The following SMYD3 variants were observed in gnomAD, a reference collection of about 807,000 sequenced individuals.
SMYD3 encodes the protein SET and MYND domain containing 3, also known as histone-lysine N-methyltransferase SMYD3.
In SMYD3, 36 loss-of-function variants were observed where a neutral mutation model predicts 57.7. The ratio of observed to expected loss-of-function variants is 0.62; its 90% CI spans 0.48 to 0.82. The LOEUF (loss-of-function observed/expected upper bound fraction) is 0.82, where lower values mean the gene tolerates loss of function less well. SMYD3 is among the 40% of genes least tolerant of loss of function. The pLI, the probability that SMYD3 is intolerant of heterozygous loss-of-function variation, is 0.00. For missense variants in SMYD3, 515 were observed against 538.8 expected, an observed-to-expected ratio of 0.96 and a Z score of 0.44; for synonymous variants, 211 against 195.0, an observed-to-expected ratio of 1.08 and a Z score of -0.68.
intron 1 of SMYD3, among the ~76,000 whole-genome samples, chr1:246,402,687 A>G (rs751347560): frequency 2.0e-5 from 3 of 152,222 alleles, no homozygotes; most frequent in Non-Finnish European, 4.4e-5. Context: ...GAGGCTTCCT[A>G]AACAACTGAA....
intron 5 of SMYD3, among the ~76,000 whole-genome samples, chr1:246,077,200 G>C (rs1260220318): frequency 6.6e-6 from 1 of 152,188 alleles, no homozygotes; most frequent in Non-Finnish European, 1.5e-5. Context: ...TAAAGGTCTT[G>C]AGCCTCATTT....
intron 10 of SMYD3, among the ~76,000 whole-genome samples, chr1:245,793,110 CCATCCTGGCTAA>C (rs1558344175): frequency 7.6e-6 from 1 of 130,954 alleles, no homozygotes; most frequent in African/African-American, 2.7e-5. Flanking sequence ...GAGATCAAGA[CCATCCTGGCTAA>C]CACGGTGAAA....
chr1:246,416,815 T>C (rs2067070007), intron 1 of SMYD3, among the ~76,000 whole-genome samples: 1 of 151,862 alleles, frequency 6.6e-6, no homozygotes, highest in East Asian at 1.9e-4. Flanking sequence ...TCTCTCCAAC[T>C]CCCAAAGCAC....
At chr1:245,807,813 G>GAA (rs35324111) in intron 10 of SMYD3, among the ~76,000 whole-genome samples, 15 of 111,704 alleles carry the variant, frequency 1.3e-4, no homozygotes, top group Non-Finnish European at 1.9e-4. Flanking sequence ...ATTTCCCAGG[G>GAA]AAAAAAAAAA....
chr1:246,243,825 A>G (rs915562117), intron 5 of SMYD3, among the ~76,000 whole-genome samples: 6 of 151,926 alleles, frequency 3.9e-5, no homozygotes, highest in Non-Finnish European at 5.9e-5. Context: ...AGAACACAAG[A>G]GATTGAGAGT....
chr1:246,202,120 T>C lies in SMYD3; in HGVS notation c.531+125081A>G, dbSNP rs936874260. On this transcript the variant is annotated intron_variant, in intron 5 of 11. Coordinates refer to ENST00000490107, the MANE Select transcript of SMYD3 (RefSeq NM_001167740.2). This position sits in a 1 kb window ranked among gnomAD's most constrained non-coding sequence, Gnocchi z 4.1. Reference sequence around the variant, plus strand: ...AATAATAATTATTATTTCTAGATGGTGAGCTAATGGGTGATTTTTATTTAA... The same window carrying C: ...AATAATAATTATTATTTCTAGATGGCGAGCTAATGGGTGATTTTTATTTAA... 2.0e-5 allele frequency among the ~76,000 whole-genome samples: 3 copies of C among 152,162 alleles called. No individual in the cohort carries two copies. Among genetic ancestry groups the C allele is most frequent in the Non-Finnish European group, 4.4e-5 (3 of 68,028 alleles).
chr1:246,235,136 T>C (rs1368390764), intron 5 of SMYD3, among the ~76,000 whole-genome samples: 2 of 152,168 alleles, frequency 1.3e-5, no homozygotes, highest in Non-Finnish European at 2.9e-5. Flanking sequence ...ATTTCACTAA[T>C]AGACCTGCCT....
At chr1:246,114,170 G>A (rs1055035754) in intron 5 of SMYD3, among the ~76,000 whole-genome samples, 3 of 152,160 alleles carry the variant, frequency 2.0e-5, no homozygotes, top group South Asian at 2.1e-4. Flanking sequence ...AGACATTTCC[G>A]TGTCCAGCCA....
intron 5 of SMYD3, among the ~76,000 whole-genome samples, chr1:246,054,999 T>C (rs866824690): frequency 2.5e-4 from 37 of 148,580 alleles, no homozygotes; most frequent in South Asian, 6.5e-4. Context: ...CATGGTGAAA[T>C]CCCGTCTCTA....
chr1:246,300,541 G>A (rs1054654488), intron 5 of SMYD3, among the ~76,000 whole-genome samples: 3 of 152,082 alleles, frequency 2.0e-5, no homozygotes, highest in Admixed American at 6.5e-5. Context: ...GGTGTGGGAC[G>A]CCAAGGTATG....
intron 5 of SMYD3, among the ~76,000 whole-genome samples, chr1:245,972,450 G>A (rs2058325310): frequency 6.6e-6 from 1 of 152,138 alleles, no homozygotes; most frequent in South Asian, 2.1e-4. Context: ...CATCATCTAG[G>A]GCAAGTTGAG....
chr1:246,140,562 T>TA (rs2061737525), intron 5 of SMYD3, among the ~76,000 whole-genome samples: 1 of 152,232 alleles, frequency 6.6e-6, no homozygotes, highest in Non-Finnish European at 1.5e-5. Context: ...GTTTATACTT[T>TA]AAAGCATCAA....
chr1:245,808,154 G>A (rs1308973321), intron 10 of SMYD3, among the ~76,000 whole-genome samples: 1 of 152,178 alleles, frequency 6.6e-6, no homozygotes, highest in East Asian at 1.9e-4. Context: ...ATATAGAAAT[G>A]GGTTTCCTGC....
chr1:245,963,885 T>G (rs115423543), intron 5 of SMYD3, among the ~76,000 whole-genome samples: 117 of 152,308 alleles, frequency 7.7e-4, no homozygotes, highest in African/African-American at 2.7e-3. Flanking sequence ...TCCAGGGTCA[T>G]GGGCTCACTA....
intron 5 of SMYD3, among the ~76,000 whole-genome samples, chr1:246,181,085 T>G (rs557291982): frequency 6.6e-6 from 1 of 152,308 alleles, no homozygotes; most frequent in African/African-American, 2.4e-5. Context: ...CCTTGAGAAG[T>G]GGTAGGAACC....
rs559736062 is a variant in SMYD3, at chr1:246,030,363, A to C, written c.532-100426T>G. On this transcript the variant is annotated intron_variant, in intron 5 of 11. Coordinates refer to ENST00000490107, the MANE Select transcript of SMYD3 (RefSeq NM_001167740.2). ...TTCTGGCTCTTATGTGGGAGCAAAA[A>C]AGATGTTGTTTTGTGCTCATCAAAG... is the stretch of plus-strand genomic sequence containing the variant. Among the ~76,000 whole-genome samples the C allele has an allele frequency of 2.0e-5, 3 of 152,310 alleles. No homozygotes were observed. The South Asian group carries it at 6.2e-4, about 32-fold the overall frequency.
intron 5 of SMYD3, among the ~76,000 whole-genome samples, chr1:246,241,402 TTGCGTATGTTG>T (rs1173018159): frequency 2.0e-5 from 3 of 152,212 alleles, no homozygotes; most frequent in Admixed American, 2.0e-4. Context: ...GTTTATTGAT[TTGCGTATGTTG>T]AACCAGCCTT....
intron 8 of SMYD3, among the ~76,000 whole-genome samples, chr1:245,900,324 A>G (rs1459652549): frequency 6.6e-6 from 1 of 152,226 alleles, no homozygotes; most frequent in Admixed American, 6.5e-5. Flanking sequence ...CATTCTGAAC[A>G]ACAAAGTAAA....
chr1:245,812,807 A>T (rs570644731), intron 10 of SMYD3, among the ~76,000 whole-genome samples: 1 of 151,464 alleles, frequency 6.6e-6, no homozygotes, highest in South Asian at 2.1e-4. Context: ...GTGGGCTGGG[A>T]GGGAAGGCTT....
Sources: allele counts gnomAD v4.1 joint callset (sites outside exome capture counted in the v4.1 genomes callset), GRCh38; gene constraint gnomAD v4.1.1; non-coding constraint Gnocchi (gnomAD v3.1); transcripts MANE v1.5; gene names NCBI Gene and HGNC (gene_info 2026-07-23, HGNC 2026-07-21).